Variants in CPE observed in about 807,000 individuals in gnomAD.
CPE encodes the protein carboxypeptidase E, also known as carbocypeptidase E.
A neutral mutation model predicts 53.5 loss-of-function variants in CPE; 17 were observed. The observed-to-expected ratio is 0.32, with a 90% CI of 0.22 to 0.48. The LOEUF (loss-of-function observed/expected upper bound fraction) is 0.48, where lower values mean the gene tolerates loss of function less well. CPE is among the 20% of genes least tolerant of loss of function. The pLI is 0.99. For synonymous variants in CPE, 226 were observed against 228.8 expected (o/e 0.99, Z 0.11); for missense variants, 524 against 614.7 (o/e 0.85, Z 1.56).
intron 1 of CPE, chr4:165,415,160 G>C (rs1731101837): frequency 1.3e-5 from 2 of 151,634 alleles, no homozygotes; most frequent in Admixed American, 1.4e-4. Context: ...CCTTCTGATT[G>C]GTGGAAAAAC....
chr4:165,453,718 A>G (rs913153416), intron 1 of CPE, among the ~76,000 whole-genome samples: 37 of 152,106 alleles, frequency 2.4e-4, no homozygotes, highest in African/African-American at 7.0e-4. Context: ...ACAAAAGGAG[A>G]TACTTCATGA....
chr4:165,435,145 C>T (rs543740716), intron 1 of CPE, among the ~76,000 whole-genome samples: 1 of 152,200 alleles, frequency 6.6e-6, no homozygotes, highest in East Asian at 1.9e-4. Context: ...TATGAATTAC[C>T]CAGCCTCAAG....
intron 3 of CPE, among the ~76,000 whole-genome samples, chr4:165,475,952 G>A (rs72703697): frequency 0.15 from 22,207 of 152,058 alleles, 1,981 homozygotes; most frequent in East Asian, 0.24. Context: ...CAGGGGTTGA[G>A]TACCTCCAGC....
chr4:165,490,324 C>T (rs1030993325), intron 6 of CPE, among the ~76,000 whole-genome samples: 49 of 152,042 alleles, frequency 3.2e-4, no homozygotes, highest in Non-Finnish European at 6.9e-4. Context: ...TCAAAATTCT[C>T]AAAAAATTTC....
rs752231288 is a variant in CPE, at chr4:165,384,781, A to G, written c.307+5253A>G. On this transcript the variant is annotated intron_variant, in intron 1 of 8. Coordinates refer to ENST00000402744, the MANE Select transcript of CPE (RefSeq NM_001873.4). Reference sequence around the variant, plus strand: ...AAAATGATTCAGTTGGCAATTCTCCAGCAGAGGGCCTCATACAGGGAGCTC... The same window carrying G: ...AAAATGATTCAGTTGGCAATTCTCCGGCAGAGGGCCTCATACAGGGAGCTC... Among the ~76,000 whole-genome samples, 5 of 152,234 alleles carry G rather than the reference A, an allele frequency of 3.3e-5. No homozygotes were observed. The South Asian group carries it at 6.2e-4, about 19-fold the overall frequency.
intron 1 of CPE, chr4:165,405,111 T>A: frequency 1.3e-6 from 1 of 748,498 alleles, no homozygotes; most frequent in Non-Finnish European, 2.4e-6. Context: ...TCAAATGACG[T>A]TAGAGCTTTC....
At chr4:165,460,100 C>A (rs574608121) in intron 1 of CPE, among the ~76,000 whole-genome samples, 2 of 152,010 alleles carry the variant, frequency 1.3e-5, no homozygotes, top group Non-Finnish European at 2.9e-5. Flanking sequence ...GATCCACATA[C>A]CTGGCAGCTG....
intron 1 of CPE, among the ~76,000 whole-genome samples, chr4:165,426,078 A>G (rs1731312647): frequency 6.6e-6 from 1 of 152,236 alleles, no homozygotes; most frequent in Non-Finnish European, 1.5e-5. Context: ...GTCTTCAGCC[A>G]AATTAAAATA....
chr4:165,475,534 C>T (rs185430140), intron 3 of CPE, among the ~76,000 whole-genome samples: 26 of 152,278 alleles, frequency 1.7e-4, no homozygotes, highest in African/African-American at 5.1e-4. Flanking sequence ...TGGCATGTGA[C>T]GTGAAAGCAA....
chr4:165,385,381 T>C (rs1235590305), intron 1 of CPE, among the ~76,000 whole-genome samples: 1 of 151,956 alleles, frequency 6.6e-6, no homozygotes, highest in Non-Finnish European at 1.5e-5. Flanking sequence ...ACAGGCTTAG[T>C]TGATAGCCCT....
At chr4:165,485,541 C>T (rs1289505980) in intron 5 of CPE, among the ~76,000 whole-genome samples, 1 of 151,972 alleles carries the variant, frequency 6.6e-6, no homozygotes, top group Non-Finnish European at 1.5e-5. Context: ...TCCCCAATAG[C>T]TTCAGAAATA....
At chr4:165,425,319 A>G (rs1403137493) in intron 1 of CPE, among the ~76,000 whole-genome samples, 6 of 148,962 alleles carry the variant, frequency 4.0e-5, no homozygotes, top group African/African-American at 9.9e-5. Context: ...CTTTTAAGCT[A>G]GAATATTTTT....
chr4:165,421,041 T>C (rs1731202982), intron 1 of CPE, among the ~76,000 whole-genome samples: 1 of 152,232 alleles, frequency 6.6e-6, no homozygotes, highest in Non-Finnish European at 1.5e-5. Context: ...AATAATTTCA[T>C]TATGATCTAC....
rs1217703812 is a variant in CPE, at chr4:165,379,287, C to A, written c.66C>A (p.Leu22=). The part of the protein sequence containing the change: ...LCGALAACGW[L]LGAEAQEPGA... ...GGGCACTGGCTGCCTGCGGGTGGCTCCTGGGCGCCGAAGCCCAGGAGCCCG... is the reference window on the plus strand; with the variant it reads ...GGGCACTGGCTGCCTGCGGGTGGCTACTGGGCGCCGAAGCCCAGGAGCCCG... The change falls in exon 1 of 9, where the codon CTC becomes CTA. Residue 22 remains leucine, a synonymous_variant. Transcript: ENST00000402744. The surrounding 1 kb of genome is among the most constrained non-coding windows in gnomAD (Gnocchi z 6.0). 8.0e-6 allele frequency: 12 copies of A among 1,501,310 alleles called. No homozygotes were observed. Among genetic ancestry groups the A allele is most frequent in the Non-Finnish European group, 1.1e-5 (12 of 1,133,712 alleles). 93.0% of individuals were successfully genotyped at this position (1,501,310 alleles called of 1,614,324 possible). A position where few individuals can be genotyped will look rare whatever the true frequency, so the allele number is the denominator to read the frequency against.
chr4:165,451,144 C>T (rs751482487), intron 1 of CPE, among the ~76,000 whole-genome samples: 2 of 152,186 alleles, frequency 1.3e-5, no homozygotes, highest in Non-Finnish European at 2.9e-5. Context: ...CGTTGCTTCA[C>T]GTGACATCCA....
In CPE at chr4:165,431,252, C is replaced by T. The variant is rs534026845; in HGVS notation, c.308-33138C>T. On this transcript the variant is annotated intron_variant, in intron 1 of 8. Coordinates refer to ENST00000402744, the MANE Select transcript of CPE (RefSeq NM_001873.4). Reference sequence around the variant, plus strand: ...CTCCGTTTTCCACTGTCCACACGTACGTGATGCCACCTGGGTTAGCCTGGC... The same window carrying T: ...CTCCGTTTTCCACTGTCCACACGTATGTGATGCCACCTGGGTTAGCCTGGC... Among the ~76,000 whole-genome samples the T allele has an allele frequency of 1.1e-4, 17 of 152,328 alleles. 1 individual carries two copies. The South Asian group carries it at 3.5e-3, about 32-fold the overall frequency.
At chr4:165,395,388 A>G (rs886597503) in intron 1 of CPE, among the ~76,000 whole-genome samples, 11 of 152,172 alleles carry the variant, frequency 7.2e-5, no homozygotes, top group Non-Finnish European at 1.3e-4. Context: ...GGGAGTCCAG[A>G]GCCTAGTCAA....
At chr4:165,449,296 A>G (rs932938567) in intron 1 of CPE, among the ~76,000 whole-genome samples, 6 of 152,236 alleles carry the variant, frequency 3.9e-5, no homozygotes, top group Non-Finnish European at 7.3e-5. Context: ...CGAGGTTAAT[A>G]ACCATTTGAA....
chr4:165,390,755 A>G (rs1730666901), intron 1 of CPE, among the ~76,000 whole-genome samples: 1 of 152,070 alleles, frequency 6.6e-6, no homozygotes, highest in African/African-American at 2.4e-5. Flanking sequence ...TTCAATTTCT[A>G]ATTTCCTCTC....
Sources: gnomAD v4.1 joint callset for allele counts (sites outside exome capture counted in the v4.1 genomes callset) on GRCh38, gnomAD v4.1.1 for gene constraint, Gnocchi (gnomAD v3.1) non-coding constraint, MANE v1.5 for transcripts, NCBI Gene and HGNC (gene_info 2026-07-23, HGNC 2026-07-21) for gene names.